Variants in TTLL4 observed in about 807,000 individuals in gnomAD.
TTLL4 encodes tubulin tyrosine ligase like 4, also known as tubulin monoglutamylase TTLL4.
A neutral mutation model predicts 122.7 loss-of-function variants in TTLL4; 85 were observed. The observed-to-expected ratio is 0.69, with a 90% CI of 0.58 to 0.83. The LOEUF is 0.83. Among genes scored for constraint, TTLL4 ranks in the 40% least tolerant of loss-of-function variants. The pLI is 0.00. For synonymous variants in TTLL4, 553 were observed against 563.0 expected (o/e 0.98, Z 0.25); for missense variants, 1,363 against 1,488.6 (o/e 0.92, Z 1.39).
chr2:218,738,028 T>G lies in TTLL4; in HGVS notation c.352T>G (p.Tyr118Asp). Residue 118 changes from tyrosine to aspartate, a missense_variant, in exon 3 of 20, where the codon TAC becomes GAC. Transcript: ENST00000392102. ...LPDLFNSTLL[Y>D]RRSSYRQKPY... is the part of the protein sequence containing the mutation. ...GGACTTGTTCAACAGCACCCTGCTA[T>G]ACCGCCGCTCCAGCTATAGGCAAAA... 1 of 1,614,180 alleles carries G rather than the reference T, an allele frequency of 6.2e-7. No homozygotes were observed. Among genetic ancestry groups the G allele is most frequent in the Non-Finnish European group, 8.5e-7 (1 of 1,180,042 alleles).
chr2:218,754,664 T>TTA lies in TTLL4; in HGVS notation c.*278_*279dup, dbSNP rs540816443. 5 of 505,754 alleles carry TTA rather than the reference T, an allele frequency of 9.9e-6. No homozygotes were observed. Among genetic ancestry groups the TTA allele is most frequent in the Non-Finnish European group, 1.8e-5 (5 of 284,662 alleles). The allele number at this position is 505,754 out of a possible 1,614,324, so 31.3% of individuals were successfully genotyped here. Reference sequence around the variant, plus strand: ...AGAAGCCAGTGGTGGCCACGCAGCCTTATAAAGCAGGTTTTGGTTTCTACC... The same window carrying TTA: ...AGAAGCCAGTGGTGGCCACGCAGCCTTATATAAAGCAGGTTTTGGTTTCTACC... On this transcript the variant is annotated 3_prime_UTR_variant, in exon 20 of 20. Transcript: ENST00000392102.
chr2:218,720,369 A>G (rs1384370888), intron 1 of TTLL4, among the ~76,000 whole-genome samples: 2 of 152,154 alleles, frequency 1.3e-5, no homozygotes, highest in African/African-American at 4.8e-5. Flanking sequence ...CGCACTGAGT[A>G]AAAAATAGCA....
At chr2:218,749,532 A>G (rs578235131) in intron 14 of TTLL4, 145 bp downstream of exon 14, 33 of 1,257,718 alleles carry the variant, frequency 2.6e-5, no homozygotes, top group Non-Finnish European at 3.5e-5. Flanking sequence ...GCAGTGGCGC[A>G]ATCTTGGCTT....
chr2:218,722,172 C>T (rs1942062397), intron 1 of TTLL4, among the ~76,000 whole-genome samples: 1 of 152,038 alleles, frequency 6.6e-6, no homozygotes, highest in African/African-American at 2.4e-5. Flanking sequence ...GTTCCAGCTC[C>T]TTGGGAGGGT....
rs1419835890 is a variant in TTLL4 at position 218,737,818 on chromosome 2, C to A, written c.142C>A (p.Gln48Lys). 6.2e-6 allele frequency: 10 copies of A among 1,614,224 alleles called. No individual in the cohort carries two copies. Among genetic ancestry groups the A allele is most frequent in the Non-Finnish European group, 8.5e-6 (10 of 1,180,048 alleles). ...EGRVWPQAHQ[Q>K]VKPIWKLEKK... ...CAGAGTCTGGCCTCAGGCCCATCAGCAAGTGAAGCCAATCTGGAAGCTGGA... is the reference window on the plus strand; with the variant it reads ...CAGAGTCTGGCCTCAGGCCCATCAGAAAGTGAAGCCAATCTGGAAGCTGGA... The change falls in exon 3 of 20, where the codon CAA (glutamine) becomes AAA (lysine). Residue 48 changes from glutamine (Q) to lysine (K), a missense_variant. This residue lies in a region of TTLL4 where 760 missense variants were observed against 808.4 expected (regional missense o/e 0.94). Coordinates refer to ENST00000392102, the MANE Select transcript of TTLL4 (RefSeq NM_014640.5).
chr2:218,711,880 A>G (rs6744089), intron 1 of TTLL4, among the ~76,000 whole-genome samples: 2,300 of 148,574 alleles, frequency 0.015, 112 homozygotes, highest in African/African-American at 0.053. Flanking sequence ...CAAATCACCT[A>G]TTCTTTAACT....
intron 2 of TTLL4, among the ~76,000 whole-genome samples, chr2:218,729,748 T>TAAAAAAAA (rs771622464): frequency 7.8e-4 from 61 of 78,708 alleles, no homozygotes; most frequent in African/African-American, 2.1e-3. Flanking sequence ...TCTCTCTTTT[T>TAAAAAAAA]AAAAAAAAAA....
chr2:218,738,056 C>T lies in TTLL4; in HGVS notation c.380C>T (p.Pro127Leu), dbSNP rs374640625. 4.6e-5 allele frequency: 75 copies of T among 1,614,130 alleles called. No homozygotes were observed. The African/African-American group carries it at 4.9e-4, about 11-fold the overall frequency. Reference protein sequence around the residue: ...LYRRSSYRQKPYQQLESFCLR... With the variant: ...LYRRSSYRQKLYQQLESFCLR... ...CGCCGCTCCAGCTATAGGCAAAAAC[C>T]GTACCAGCAACTGGAGTCTTTCTGC... The change falls in exon 3 of 20, where the codon CCG becomes CTG. Residue 127 changes from proline (P) to leucine (L), a missense_variant. Transcript: ENST00000392102.
Position 218,737,993 on chromosome 2 carries a change from ACT to A in TTLL4, c.323_324del (p.Leu108ProfsTer16). ...GGCCACAGCAGTTCCTGTTACCTACACTCTCTCCCGGACTTGTTCAACAGCAC... is the reference window on the plus strand; with the variant it reads ...GGCCACAGCAGTTCCTGTTACCTACACTCTCCCGGACTTGTTCAACAGCAC... On this transcript the variant is annotated frameshift_variant, in exon 3 of 20. Transcript: ENST00000392102. LOFTEE classifies it high-confidence loss of function. The A allele has an allele frequency of 1.9e-6, 3 of 1,613,014 alleles. No homozygotes were observed. The highest frequency in any genetic ancestry group is 2.5e-6 in the Non-Finnish European group (3 of 1,179,786).
chr2:218,711,241 C>G (rs1941694194), intron 1 of TTLL4, among the ~76,000 whole-genome samples: 1 of 152,258 alleles, frequency 6.6e-6, no homozygotes, highest in African/African-American at 2.4e-5. Flanking sequence ...TTCGCGCCTC[C>G]TCGGAGCCCT....
chr2:218,757,925 G>A (rs1230191243), downstream of TTLL4, among the ~76,000 whole-genome samples: 1 of 152,190 alleles, frequency 6.6e-6, no homozygotes, highest in Non-Finnish European at 1.5e-5. Flanking sequence ...CCCAACTGCT[G>A]TGAGACTTGG....
At chr2:218,716,705 C>T (rs958191630) in intron 1 of TTLL4, among the ~76,000 whole-genome samples, 27 of 152,096 alleles carry the variant, frequency 1.8e-4, no homozygotes, top group African/African-American at 5.3e-4. Context: ...AGGAGAATGG[C>T]GTGAACCCAG....
chr2:218,749,086 G>T, intron 13 of TTLL4, 152 bp downstream of exon 13: 13 of 1,265,606 alleles, frequency 1.0e-5, no homozygotes, highest in Non-Finnish European at 1.4e-5. Flanking sequence ...AAGTTCTAAT[G>T]AACCTCATCC....
At chr2:218,726,184 G>A (rs1010641572) in intron 1 of TTLL4, among the ~76,000 whole-genome samples, 1 of 152,058 alleles carries the variant, frequency 6.6e-6, no homozygotes, top group Non-Finnish European at 1.5e-5. Flanking sequence ...GCTGGATACA[G>A]TATTCTTGGA....
chr2:218,759,375 A>G (rs1445059365), downstream of TTLL4, among the ~76,000 whole-genome samples: 1 of 152,222 alleles, frequency 6.6e-6, no homozygotes, highest in Non-Finnish European at 1.5e-5. Context: ...ACACAGTGGG[A>G]CCCTGTTTCT....
downstream of TTLL4, among the ~76,000 whole-genome samples, chr2:218,758,367 A>G (rs4674335): frequency 0.49 from 74,869 of 151,964 alleles, 19,114 homozygotes; most frequent in African/African-American, 0.59. Context: ...TAAAATATGG[A>G]GGAAAAGCAC....
intron 2 of TTLL4, among the ~76,000 whole-genome samples, chr2:218,732,535 C>G (rs774422716): frequency 6.6e-6 from 1 of 152,114 alleles, no homozygotes; most frequent in African/African-American, 2.4e-5. Context: ...AATTGCCCTT[C>G]GAGTATGTGC....
chr2:218,752,430 G>A (rs1478812063), intron 16 of TTLL4, among the ~76,000 whole-genome samples: 1 of 152,202 alleles, frequency 6.6e-6, no homozygotes, highest in Non-Finnish European at 1.5e-5. Context: ...GAGCAGATAA[G>A]GAAGCTGGAT....
Position 218,740,112 on chromosome 2 carries a change from A to G in TTLL4, c.1542A>G (p.Glu514=). Residue 514 remains glutamate (E), a synonymous_variant, in exon 4 of 20, where the codon GAA becomes GAG. Coordinates refer to ENST00000392102, the MANE Select transcript of TTLL4 (RefSeq NM_014640.5). ...CTGAGACTGAAGATACAGAAGAAGAACTAGTAGATGGTTTGGAAGACTGTT... is the reference window on the plus strand; with the variant it reads ...CTGAGACTGAAGATACAGAAGAAGAGCTAGTAGATGGTTTGGAAGACTGTT... The part of the protein sequence containing the change: ...DQAETEDTEE[E]LVDGLEDCCS... 6.2e-7 allele frequency: 1 copy of G among 1,614,226 alleles called. No individual in the cohort carries two copies. The highest frequency in any genetic ancestry group is 8.5e-7 in the Non-Finnish European group (1 of 1,180,050).
Sources: gnomAD v4.1 joint callset for allele counts (sites outside exome capture counted in the v4.1 genomes callset) on GRCh38, gnomAD v4.1.1 for gene constraint, gnomAD v4.1.1 regional missense constraint, MANE v1.5 for transcripts, NCBI Gene and HGNC (gene_info 2026-07-23, HGNC 2026-07-21) for gene names.